CNTNAP4: variants seen among roughly 807,000 people sequenced by gnomAD.
The protein encoded by CNTNAP4 is contactin-associated protein-like 4.
CNTNAP4 carries 98 observed loss-of-function variants against 148.4 expected under a neutral mutation model. The observed-to-expected ratio is 0.66, with a 90% confidence interval of 0.56 to 0.78. CNTNAP4 has a LOEUF of 0.78. Ranked by LOEUF, CNTNAP4 falls within the 30% of genes least tolerant of loss-of-function variation. The pLI, the probability that CNTNAP4 is intolerant of heterozygous loss-of-function variation, is 0.00. For missense variants in CNTNAP4, 1,935 were observed against 1,565.6 expected (o/e 1.24, Z -3.98); for synonymous variants, 730 against 565.1 (o/e 1.29, Z -4.14).
At position 76,425,272 on chromosome 16, in the gene CNTNAP4, G is replaced by C. The variant is rs189828084; in HGVS notation, c.391-2180G>C. Among the ~76,000 whole-genome samples, 8 of 152,304 alleles carry C rather than the reference G, an allele frequency of 5.3e-5. No individual in the cohort carries two copies. The East Asian group carries it at 1.5e-3, about 29-fold the overall frequency. ...TGAGATGCGCTAGGTAAGTGTCCCT[G>C]CCATGGGTTGATACATTGCAATTTG... is the stretch of plus-strand genomic sequence containing the variant. On this transcript the variant is annotated intron_variant, in intron 3 of 23. Coordinates refer to ENST00000611870, the MANE Select transcript of CNTNAP4 (RefSeq NM_033401.5).
Position 76,355,531 on chromosome 16 carries a change from A to T in CNTNAP4, c.390+20A>T, listed in dbSNP as rs372298277. Reference sequence around the variant, plus strand: ...ATCTGGGTATGTTCTTTAACAAAAGACATAGTCTCTCGGGGAAAAAGTATA... The same window carrying T: ...ATCTGGGTATGTTCTTTAACAAAAGTCATAGTCTCTCGGGGAAAAAGTATA... On this transcript the variant is annotated intron_variant, in intron 3 of 23. Coordinates refer to ENST00000611870, the MANE Select transcript of CNTNAP4 (RefSeq NM_033401.5). 1.5e-5 allele frequency: 23 copies of T among 1,561,668 alleles called. No homozygotes were observed. In the African/African-American group the frequency reaches 3.2e-4, roughly 21 times the overall value.
At chr16:76,315,883 C>T (rs1050282307) in intron 1 of CNTNAP4, among the ~76,000 whole-genome samples, 18 of 151,588 alleles carry the variant, frequency 1.2e-4, no homozygotes, top group African/African-American at 3.6e-4. Flanking sequence ...GTGTGAGCCA[C>T]CACGCCAGGC....
intron 9 of CNTNAP4, among the ~76,000 whole-genome samples, chr16:76,465,589 G>C (rs2081146851): frequency 6.6e-6 from 1 of 152,086 alleles, no homozygotes; most frequent in Non-Finnish European, 1.5e-5. Flanking sequence ...TTATATGCCT[G>C]GCATATTATA....
At chr16:76,456,679 C>T (rs556683357) in intron 8 of CNTNAP4, among the ~76,000 whole-genome samples, 3 of 152,312 alleles carry the variant, frequency 2.0e-5, no homozygotes, top group Admixed American at 1.3e-4. Flanking sequence ...ACACCAAGGT[C>T]TCACTGGTGG....
At chr16:76,311,008 A>G (rs1193514985) in intron 1 of CNTNAP4, among the ~76,000 whole-genome samples, 2 of 152,176 alleles carry the variant, frequency 1.3e-5, no homozygotes, top group Non-Finnish European at 1.5e-5. Context: ...TAGAGTTAAT[A>G]ATATCAAATA....
At chr16:76,491,520 G>A (rs1316461350) in intron 13 of CNTNAP4, among the ~76,000 whole-genome samples, 1 of 152,220 alleles carries the variant, frequency 6.6e-6, no homozygotes, top group East Asian at 1.9e-4. Flanking sequence ...CTCATTTCCA[G>A]CTCTCCAGGG....
At chr16:76,447,607 G>A (rs2080297556) in intron 4 of CNTNAP4, among the ~76,000 whole-genome samples, 1 of 152,066 alleles carries the variant, frequency 6.6e-6, no homozygotes, top group South Asian at 2.1e-4. Context: ...TATGCATTCA[G>A]TAGAAACCAT....
chr16:76,511,227 G>A (rs2083013973), intron 15 of CNTNAP4, among the ~76,000 whole-genome samples: 1 of 152,024 alleles, frequency 6.6e-6, no homozygotes, highest in Admixed American at 6.6e-5. Flanking sequence ...GAAATTTTAT[G>A]TTTAATCAAA....
At chr16:76,418,341 CT>C (rs199695663) in intron 3 of CNTNAP4, among the ~76,000 whole-genome samples, 4 of 144,026 alleles carry the variant, frequency 2.8e-5, no homozygotes, top group African/African-American at 7.5e-5. Context: ...TCTATTACAG[CT>C]TTTTTTTTCT....
chr16:76,490,492 T>C (rs1292168550), intron 13 of CNTNAP4, among the ~76,000 whole-genome samples: 2 of 150,948 alleles, frequency 1.3e-5, no homozygotes, highest in Middle Eastern at 3.4e-3. Flanking sequence ...AGAGCCTCTG[T>C]TTCCACCACA....
chr16:76,550,981 G>A (rs2084930782), intron 21 of CNTNAP4, among the ~76,000 whole-genome samples: 1 of 152,162 alleles, frequency 6.6e-6, no homozygotes, highest in Non-Finnish European at 1.5e-5. Context: ...CAACAGGAAA[G>A]TGATATAATC....
intron 3 of CNTNAP4, among the ~76,000 whole-genome samples, chr16:76,415,484 T>A (rs1422318362): frequency 6.6e-6 from 1 of 151,168 alleles, no homozygotes; most frequent in Non-Finnish European, 1.5e-5. Context: ...TGAATTAGAA[T>A]TCAAAGTCTA....
chr16:76,342,289 A>T (rs1262101723), intron 2 of CNTNAP4, among the ~76,000 whole-genome samples: 3 of 152,130 alleles, frequency 2.0e-5, no homozygotes, highest in Admixed American at 1.3e-4. Context: ...GATGGATTTT[A>T]AAAATTTCAC....
chr16:76,305,584 A>C (rs867105967), intron 1 of CNTNAP4, among the ~76,000 whole-genome samples: 1 of 152,172 alleles, frequency 6.6e-6, no homozygotes, highest in South Asian at 2.1e-4. Flanking sequence ...ACTGGGGCCG[A>C]CCTGACCATG....
chr16:76,404,774 C>G (rs1299834731), intron 3 of CNTNAP4, among the ~76,000 whole-genome samples: 2 of 152,026 alleles, frequency 1.3e-5, no homozygotes, highest in Admixed American at 6.6e-5. Flanking sequence ...TTGAGATCTT[C>G]AAAATTTATG....
chr16:76,398,222 T>C (rs535659587), intron 3 of CNTNAP4, among the ~76,000 whole-genome samples: 10 of 151,382 alleles, frequency 6.6e-5, no homozygotes, highest in Non-Finnish European at 1.5e-4. Flanking sequence ...TGGTAGCTGA[T>C]TAGATGGTGC....
At chr16:76,444,532 A>C (rs2080164523) in intron 4 of CNTNAP4, among the ~76,000 whole-genome samples, 1 of 152,010 alleles carries the variant, frequency 6.6e-6, no homozygotes, top group Non-Finnish European at 1.5e-5. Flanking sequence ...GTACTGTCCA[A>C]AATATATAGA....
chr16:76,431,991 G>C (rs1441570704), intron 4 of CNTNAP4, among the ~76,000 whole-genome samples: 1 of 152,036 alleles, frequency 6.6e-6, no homozygotes, highest in Non-Finnish European at 1.5e-5. Context: ...TGAAGACGTA[G>C]AATTAAAACC....
chr16:76,476,098 A>G, intron 11 of CNTNAP4, 53 bp downstream of exon 11: 3 of 1,279,414 alleles, frequency 2.3e-6, no homozygotes, highest in African/African-American at 1.5e-5. Context: ...TCTTTGTCCC[A>G]TTTCCCTTTT....
Sources: gnomAD v4.1 joint callset for allele counts (sites outside exome capture counted in the v4.1 genomes callset) on GRCh38, gnomAD v4.1.1 for gene constraint, MANE v1.5 for transcripts, NCBI Gene and HGNC (gene_info 2026-07-23, HGNC 2026-07-21) for gene names.